The following RNF14 variants were observed in gnomAD, a reference collection of about 807,000 sequenced individuals.
RNF14 encodes E3 ubiquitin-protein ligase RNF14.
A neutral mutation model predicts 52.6 loss-of-function variants in RNF14; 26 were observed. The ratio of observed to expected loss-of-function variants is 0.49; its 90% CI spans 0.36 to 0.69. The LOEUF (loss-of-function observed/expected upper bound fraction) is 0.69. RNF14 is among the 30% of genes least tolerant of loss of function. The pLI is 0.00. For synonymous variants in RNF14, 194 were observed against 202.0 expected, an observed-to-expected ratio of 0.96 and a Z score of 0.34; for missense variants, 404 against 560.4, an observed-to-expected ratio of 0.72 and a Z score of 2.82.
At chr5:141,986,247 G>T (rs1402717294) in intron 8 of RNF14, among the ~76,000 whole-genome samples, 1 of 152,192 alleles carries the variant, frequency 6.6e-6, no homozygotes, top group Non-Finnish European at 1.5e-5. Flanking sequence ...TTTGTTAAGA[G>T]GTGTCTGTTA....
chr5:141,971,911 G>A (rs987266840), intron 2 of RNF14, among the ~76,000 whole-genome samples: 1 of 152,108 alleles, frequency 6.6e-6, no homozygotes, highest in Admixed American at 6.5e-5. Context: ...GTCTCCCAAA[G>A]TGCTGGGATT....
chr5:141,985,324 A>G (rs1329432993), intron 8 of RNF14, among the ~76,000 whole-genome samples: 2 of 152,352 alleles, frequency 1.3e-5, no homozygotes, highest in East Asian at 3.9e-4. Context: ...AAGATAAGGA[A>G]ATGCTTCTAC....
chr5:141,958,541 C>T (rs1173790006), intron 1 of RNF14: 1 of 152,458 alleles, frequency 6.6e-6, no homozygotes, highest in Non-Finnish European at 1.5e-5. Flanking sequence ...TATCTTTTCC[C>T]CCATTGTTCC....
upstream of RNF14, chr5:141,957,630 C>T (rs537271393): frequency 1.9e-5 from 31 of 1,614,176 alleles, no homozygotes; most frequent in Middle Eastern, 3.3e-4. This position sits in a 1 kb window ranked among gnomAD's most constrained non-coding sequence, Gnocchi z 4.3. Context: ...GAATGGGGAG[C>T]GCCTGAGGCA....
intron 1 of RNF14, chr5:141,958,700 A>G (rs565574160): frequency 5.3e-5 from 8 of 152,260 alleles, no homozygotes; most frequent in African/African-American, 9.6e-5. Context: ...TGACTTTGCA[A>G]CTTACCAGCG....
chr5:141,962,208 C>T (rs1020984343), upstream of RNF14, among the ~76,000 whole-genome samples: 12 of 152,136 alleles, frequency 7.9e-5, no homozygotes, highest in Non-Finnish European at 1.6e-4. Context: ...TGCTGTCTCC[C>T]ACACAATGGC....
At chr5:141,966,720 GTAAATTATT>G (rs1353205344), upstream of RNF14, 74 of 152,434 alleles carry the variant, frequency 4.9e-4, no homozygotes, top group African/African-American at 1.7e-3. Flanking sequence ...TAAACATTCA[GTAAATTATT>G]AACACTGCTT....
upstream of RNF14, chr5:141,954,889 A>G: frequency 2.0e-6 from 3 of 1,493,382 alleles, no homozygotes; most frequent in South Asian, 4.0e-5. Flanking sequence ...AAACATGAGG[A>G]CTGTGCAGGT....
At chr5:141,973,554 C>G (rs377192926) in intron 2 of RNF14, 29 bp from the exon 3 acceptor site, 1 of 1,587,094 alleles carries the variant, frequency 6.3e-7, no homozygotes, top group African/African-American at 1.4e-5. Flanking sequence ...TGTGCATTTT[C>G]TGTTCTTAAC....
chr5:141,952,431 T>C, the RNF14 span: 1 of 152,100 alleles, frequency 6.6e-6, no homozygotes, highest in East Asian at 1.9e-4. Flanking sequence ...AAAGGCTCCA[T>C]AGGAGTTTGG....
At chr5:141,968,377 T>C (rs573917721), upstream of RNF14, among the ~76,000 whole-genome samples, 5 of 152,326 alleles carry the variant, frequency 3.3e-5, no homozygotes, top group East Asian at 9.6e-4. Flanking sequence ...AGTGCTAGGA[T>C]TACAGGCGTG....
rs766810386 is a variant in RNF14 at position 141,983,409 on chromosome 5, C to T, written c.1093C>T (p.Leu365=). ...EKLMDLRNEY[L]QADEANKRLL... is the part of the protein sequence containing the mutation. ...ATTAATGGACTTACGAAATGAATAC[C>T]TGCAAGCGGATGAGGCTAATAAAAG... The change falls in exon 7 of 9, where the codon CTG becomes TTG. Residue 365 remains leucine, a synonymous_variant. Coordinates refer to ENST00000394520, the MANE Select transcript of RNF14 (RefSeq NM_004290.5). 5 of 1,613,200 alleles carry T rather than the reference C, an allele frequency of 3.1e-6. No individual in the cohort carries two copies. In the South Asian group the frequency reaches 4.4e-5, roughly 14 times the overall value.
upstream of RNF14, among the ~76,000 whole-genome samples, chr5:141,962,905 C>T (rs750242734): frequency 5.3e-5 from 8 of 152,094 alleles, no homozygotes; most frequent in Non-Finnish European, 8.8e-5. Context: ...TGGGTGATTC[C>T]GACATGCATC....
intron 8 of RNF14, 115 bp from the exon 9 acceptor site, chr5:141,987,618 A>C: frequency 1.0e-6 from 1 of 989,276 alleles, no homozygotes; most frequent in Non-Finnish European, 1.6e-6. Context: ...TGATTAAAGG[A>C]GAAGAAAAGA....
At chr5:141,955,261 T>C (rs769608793), upstream of RNF14, 5 of 1,613,948 alleles carry the variant, frequency 3.1e-6, no homozygotes, top group Non-Finnish European at 4.2e-6. The surrounding 1 kb of genome is among the most constrained non-coding windows in gnomAD (Gnocchi z 5.5). Context: ...CTCGGGAAGG[T>C]TCAGGTTCTC....
intron 1 of RNF14, chr5:141,969,788 G>T (rs1172073079): frequency 2.0e-5 from 3 of 152,218 alleles, no homozygotes; most frequent in African/African-American, 7.2e-5. Flanking sequence ...GGTGTGGCCT[G>T]GGTATTGAGA....
chr5:141,973,895 A>G (rs1189388220), intron 3 of RNF14, among the ~76,000 whole-genome samples, 153 bp downstream of exon 3: 1 of 152,214 alleles, frequency 6.6e-6, no homozygotes, highest in Admixed American at 6.5e-5. Context: ...AATTGCAATG[A>G]GGGGCAAGCA....
At chr5:141,954,936 A>C, upstream of RNF14, 1 of 1,583,160 alleles carries the variant, frequency 6.3e-7, no homozygotes, top group Non-Finnish European at 8.6e-7. Context: ...GTGGTCCAGG[A>C]GTGACCAGAG....
upstream of RNF14, chr5:141,957,561 C>T (rs164076): frequency 0.52 from 831,538 of 1,613,856 alleles, 220,621 homozygotes; most frequent in East Asian, 0.84. The surrounding 1 kb of genome is among the most constrained non-coding windows in gnomAD (Gnocchi z 4.3). Flanking sequence ...ACTGTCGGCA[C>T]AGCTGCTCTC....
Sources: gnomAD v4.1 joint callset for allele counts (sites outside exome capture counted in the v4.1 genomes callset) on GRCh38, gnomAD v4.1.1 for gene constraint, Gnocchi (gnomAD v3.1) non-coding constraint, MANE v1.5 for transcripts, NCBI Gene and HGNC (gene_info 2026-07-23, HGNC 2026-07-21) for gene names.